The following PRDM5 variants were observed in gnomAD, a reference collection of about 807,000 sequenced individuals.
PRDM5 encodes PR/SET domain 5, also known as PR domain zinc finger protein 5.
A neutral mutation model predicts 81.2 loss-of-function variants in PRDM5; 56 were observed. The observed-to-expected ratio is 0.69, with a 90% CI of 0.56 to 0.86. PRDM5 has a LOEUF of 0.86. Among genes scored for constraint, PRDM5 ranks in the 40% least tolerant of loss-of-function variants. The pLI, the probability that PRDM5 is intolerant of heterozygous loss-of-function variation, is 0.00. For missense variants in PRDM5, 697 were observed against 770.1 expected (o/e 0.91, Z 1.12); for synonymous variants, 267 against 256.4 (o/e 1.04, Z -0.39).
At chr4:120,910,295 C>T (rs1222477012) in intron 1 of PRDM5, among the ~76,000 whole-genome samples, 1 of 152,092 alleles carries the variant, frequency 6.6e-6, no homozygotes, top group Non-Finnish European at 1.5e-5. Context: ...ATGTAAATAG[C>T]CAACTCTCAA....
At chr4:120,769,470 C>A (rs1746913450) in intron 13 of PRDM5, among the ~76,000 whole-genome samples, 1 of 152,038 alleles carries the variant, frequency 6.6e-6, no homozygotes, top group African/African-American at 2.4e-5. Context: ...CAGTAAGCAG[C>A]CTGGAATGTA....
chr4:120,863,551 T>C (rs1397024135), intron 2 of PRDM5, among the ~76,000 whole-genome samples: 1 of 152,104 alleles, frequency 6.6e-6, no homozygotes, highest in Admixed American at 6.6e-5. Flanking sequence ...CAAAGTTTTA[T>C]CATACAAATA....
chr4:120,909,406 G>A (rs1302018970), intron 1 of PRDM5, among the ~76,000 whole-genome samples: 2 of 152,160 alleles, frequency 1.3e-5, no homozygotes, highest in Non-Finnish European at 2.9e-5. Flanking sequence ...TTATGTTAAA[G>A]CCAATCTAGA....
chr4:120,734,072 GAGA>G (rs1306283890), intron 14 of PRDM5, among the ~76,000 whole-genome samples: 1 of 152,082 alleles, frequency 6.6e-6, no homozygotes, highest in Non-Finnish European at 1.5e-5. Context: ...TCATCCTTAG[GAGA>G]AGGACACATG....
chr4:120,847,982 G>A (rs1758848587), intron 3 of PRDM5, among the ~76,000 whole-genome samples: 1 of 152,148 alleles, frequency 6.6e-6, no homozygotes, highest in Non-Finnish European at 1.5e-5. Context: ...GACAGGCTCT[G>A]ATTCTGAAAT....
At chr4:120,690,088 T>C (rs151057428), downstream of PRDM5, among the ~76,000 whole-genome samples, 195 of 152,274 alleles carry the variant, frequency 1.3e-3, 1 homozygote, top group Middle Eastern at 6.8e-3. Flanking sequence ...TAACATTTAG[T>C]TTCCAACCAG....
chr4:120,712,284 C>T (rs149679866), intron 14 of PRDM5, among the ~76,000 whole-genome samples: 1,536 of 152,210 alleles, frequency 0.01, 16 homozygotes, highest in Non-Finnish European at 0.014. Context: ...AAAACTCCCT[C>T]TCAAAAAGAA....
At chr4:120,729,714 C>T (rs756451531) in intron 14 of PRDM5, among the ~76,000 whole-genome samples, 4 of 152,160 alleles carry the variant, frequency 2.6e-5, no homozygotes, top group African/African-American at 9.7e-5. Flanking sequence ...TAATGTATTA[C>T]AAGGGACATG....
rs867538519 is a variant in PRDM5, at chr4:120,692,704, G to T, written c.*2407C>A. The T allele has an allele frequency of 6.6e-6, 1 of 151,844 alleles. No individual in the cohort carries two copies. Among genetic ancestry groups the T allele is most frequent in the Non-Finnish European group, 1.5e-5 (1 of 67,952 alleles). 9.4% of individuals were successfully genotyped at this position (151,844 alleles called of 1,614,324 possible). On this transcript the variant is annotated 3_prime_UTR_variant, in exon 16 of 16. Coordinates refer to ENST00000264808, the MANE Select transcript of PRDM5 (RefSeq NM_018699.4). Reference sequence around the variant, plus strand: ...TACTTAGACTTTATAGGCACCTAAGGGTCTGGTCTTTTCTCAAGAAAATAC... The same window carrying T: ...TACTTAGACTTTATAGGCACCTAAGTGTCTGGTCTTTTCTCAAGAAAATAC...
At chr4:120,824,747 A>G (rs958590767) in intron 3 of PRDM5, among the ~76,000 whole-genome samples, 1 of 152,154 alleles carries the variant, frequency 6.6e-6, no homozygotes, top group African/African-American at 2.4e-5. Context: ...GCCCAACAAT[A>G]TAAGTTGAAA....
At chr4:120,738,731 T>C (rs1020842205) in intron 14 of PRDM5, among the ~76,000 whole-genome samples, 2 of 152,184 alleles carry the variant, frequency 1.3e-5, no homozygotes, top group Non-Finnish European at 2.9e-5. Context: ...TAGAGCTCTG[T>C]CCATAAATGT....
intron 1 of PRDM5, among the ~76,000 whole-genome samples, 195 bp from the exon 2 acceptor site, chr4:120,907,752 G>T (rs146032299): frequency 1.3e-4 from 20 of 152,124 alleles, no homozygotes; most frequent in African/African-American, 4.8e-4. Context: ...AGCCTAAAAC[G>T]CTAAATCCAC....
intron 1 of PRDM5, among the ~76,000 whole-genome samples, chr4:120,919,918 G>A (rs78583085): frequency 0.044 from 6,688 of 151,992 alleles, 148 homozygotes; most frequent in African/African-American, 0.05. Flanking sequence ...GACTCTTTTC[G>A]TTTTCTTGAG....
chr4:120,759,185 G>A (rs1224567024), intron 13 of PRDM5, among the ~76,000 whole-genome samples: 1 of 152,140 alleles, frequency 6.6e-6, no homozygotes, highest in African/African-American at 2.4e-5. Flanking sequence ...CATGCCACCC[G>A]CCAACACTGA....
Position 120,798,239 on chromosome 4 carries a change from AAAT to A in PRDM5, c.1188+25_1188+27del, listed in dbSNP as rs1360404694. On this transcript the variant is annotated intron_variant, in intron 10 of 15. Transcript: ENST00000264808. Reference sequence around the variant, plus strand: ...AAAATCACAGCAGCAAATTCATAAAAAATAATAATAATATTAATAAGTTTTACC... The same window carrying A: ...AAAATCACAGCAGCAAATTCATAAAAAATAATAATATTAATAAGTTTTACC... 7 of 1,448,872 alleles carry A rather than the reference AAAT, an allele frequency of 4.8e-6. No homozygotes were observed. In the East Asian group the frequency reaches 1.0e-4, roughly 21 times the overall value. 89.8% of individuals were successfully genotyped at this position (1,448,872 alleles called of 1,614,324 possible).
rs180878277 is a variant in PRDM5 at position 120,861,771 on chromosome 4, C to T, written c.178-8231G>A. On this transcript the variant is annotated intron_variant, in intron 2 of 15. Coordinates refer to ENST00000264808, the MANE Select transcript of PRDM5 (RefSeq NM_018699.4). ...CAAGATCGTGCCACTGCACTCCAGC[C>T]TAGGTGAAGAGCAAGACTCCGTCTC... 3.6e-3 allele frequency among the ~76,000 whole-genome samples: 541 copies of T among 149,896 alleles called. 2 individuals are homozygous for T. The highest frequency in any genetic ancestry group is 6.3e-3 in the Non-Finnish European group (428 of 67,710).
intron 14 of PRDM5, among the ~76,000 whole-genome samples, chr4:120,735,265 A>T (rs114905170): frequency 0.034 from 5,234 of 152,330 alleles, 116 homozygotes; most frequent in African/African-American, 0.057. Flanking sequence ...ACTACAGGGA[A>T]CTGATTTTAT....
chr4:120,920,950 A>T (rs1365380119), intron 1 of PRDM5, among the ~76,000 whole-genome samples: 1 of 152,224 alleles, frequency 6.6e-6, no homozygotes, highest in Non-Finnish European at 1.5e-5. Flanking sequence ...CATGAAAAAA[A>T]TAAACTGAAA....
intron 2 of PRDM5, among the ~76,000 whole-genome samples, chr4:120,863,435 G>A (rs1199400429): frequency 6.6e-6 from 1 of 151,838 alleles, no homozygotes; most frequent in Non-Finnish European, 1.5e-5. Context: ...TCAAGTGTTG[G>A]GGCAGTGTTG....
Sources: allele counts gnomAD v4.1 joint callset (sites outside exome capture counted in the v4.1 genomes callset), GRCh38; gene constraint gnomAD v4.1.1; transcripts MANE v1.5; gene names NCBI Gene and HGNC (gene_info 2026-07-23, HGNC 2026-07-21).